HPSE2: variants seen among roughly 807,000 people sequenced by gnomAD.
The protein encoded by HPSE2 is inactive heparanase-2.
A neutral mutation model predicts 60.5 loss-of-function variants in HPSE2; 38 were observed. That is an observed-to-expected ratio of 0.63 (90% CI 0.48 to 0.82). The LOEUF (loss-of-function observed/expected upper bound fraction) is 0.82. Ranked by LOEUF, HPSE2 falls within the 40% of genes least tolerant of loss-of-function variation. The pLI, the probability that HPSE2 is intolerant of heterozygous loss-of-function variation, is 0.00. For missense variants in HPSE2, 713 were observed against 740.4 expected (o/e 0.96, Z 0.43); for synonymous variants, 295 against 293.2 (o/e 1.01, Z -0.06).
intron 9 of HPSE2, among the ~76,000 whole-genome samples, chr10:98,556,406 C>T (rs1944008818): frequency 1.3e-5 from 2 of 152,172 alleles, no homozygotes; most frequent in Admixed American, 6.5e-5. Context: ...TCTGCTGACA[C>T]TATTATTGTG....
chr10:98,905,451 T>C (rs1590051319), intron 3 of HPSE2, among the ~76,000 whole-genome samples: 1 of 151,636 alleles, frequency 6.6e-6, no homozygotes, highest in East Asian at 1.9e-4. Context: ...CAGATGAGAG[T>C]TGGGGTGAGA....
chr10:98,612,459 T>G (rs1166923589), intron 9 of HPSE2, among the ~76,000 whole-genome samples: 1 of 152,208 alleles, frequency 6.6e-6, no homozygotes, highest in East Asian at 1.9e-4. Flanking sequence ...AATTCTCTGA[T>G]TTATGTTTAT....
intron 9 of HPSE2, among the ~76,000 whole-genome samples, chr10:98,543,022 A>G (rs558550958): frequency 1.3e-5 from 2 of 152,200 alleles, no homozygotes; most frequent in East Asian, 3.9e-4. Context: ...AAGACACATC[A>G]TTGTCAGATT....
At chr10:98,973,572 A>G (rs1442267000) in intron 3 of HPSE2, among the ~76,000 whole-genome samples, 2 of 152,200 alleles carry the variant, frequency 1.3e-5, no homozygotes, top group East Asian at 3.8e-4. Context: ...TAAAATACCC[A>G]GGCCTACAAA....
At chr10:98,819,319 T>C (rs142061643) in intron 3 of HPSE2, among the ~76,000 whole-genome samples, 8 of 152,276 alleles carry the variant, frequency 5.3e-5, no homozygotes, top group Middle Eastern at 3.4e-3. Flanking sequence ...AGTTCCTTCC[T>C]TGAAGTACTG....
chr10:98,667,258 T>C (rs1001124478), intron 6 of HPSE2, among the ~76,000 whole-genome samples: 6 of 151,972 alleles, frequency 3.9e-5, no homozygotes, highest in Non-Finnish European at 8.8e-5. Context: ...AGAACAATAA[T>C]AAACTCAGAA....
At chr10:99,096,360 T>C (rs1476258630) in intron 3 of HPSE2, among the ~76,000 whole-genome samples, 5 of 152,236 alleles carry the variant, frequency 3.3e-5, no homozygotes, top group Admixed American at 3.3e-4. Context: ...TACCATGTAC[T>C]GGGCACTTAT....
chr10:98,717,709 G>A (rs1948826136), intron 5 of HPSE2, among the ~76,000 whole-genome samples: 2 of 151,978 alleles, frequency 1.3e-5, no homozygotes, highest in South Asian at 4.2e-4. Context: ...CAGCATCAAA[G>A]ATCATTGATT....
At chr10:99,282,885 T>C in the HPSE2 span, among the ~76,000 whole-genome samples, 3 of 152,156 alleles carry the variant, frequency 2.0e-5, no homozygotes, top group African/African-American at 7.2e-5. Flanking sequence ...TATAAATGCC[T>C]ACGTTAAAAA....
intron 3 of HPSE2, among the ~76,000 whole-genome samples, chr10:98,885,722 T>A (rs1255960412): frequency 6.6e-6 from 1 of 152,256 alleles, no homozygotes; most frequent in South Asian, 2.1e-4. Flanking sequence ...TTTAAAGACA[T>A]AATGCCATTT....
At chr10:99,313,992 C>T in the HPSE2 span, among the ~76,000 whole-genome samples, 2 of 152,044 alleles carry the variant, frequency 1.3e-5, no homozygotes, top group Admixed American at 6.6e-5. Context: ...TGAATAGAAG[C>T]AAACTTTATT....
intron 3 of HPSE2, among the ~76,000 whole-genome samples, chr10:99,049,034 C>T (rs1237614191): frequency 6.6e-6 from 1 of 152,086 alleles, no homozygotes; most frequent in African/African-American, 2.4e-5. Context: ...ACATTGAGCA[C>T]ACATGGACAT....
intron 3 of HPSE2, among the ~76,000 whole-genome samples, chr10:98,940,774 C>A (rs573890950): frequency 1.4e-5 from 2 of 142,290 alleles, no homozygotes; most frequent in South Asian, 4.3e-4. Context: ...GGCAGAGACA[C>A]AACCAAAAAA....
intron 3 of HPSE2, among the ~76,000 whole-genome samples, chr10:98,828,929 T>G (rs1290748593): frequency 6.6e-6 from 1 of 152,074 alleles, no homozygotes; most frequent in Non-Finnish European, 1.5e-5. Context: ...TTATTCATAA[T>G]AGCTAAAAGG....
intron 3 of HPSE2, among the ~76,000 whole-genome samples, chr10:98,837,646 G>A (rs950725377): frequency 1.3e-5 from 2 of 151,490 alleles, no homozygotes; most frequent in African/African-American, 4.9e-5. Context: ...AGGCCGAGGC[G>A]GGCGGATCAC....
chr10:98,661,927 G>T (rs1947234325), intron 6 of HPSE2, among the ~76,000 whole-genome samples: 1 of 152,168 alleles, frequency 6.6e-6, no homozygotes, highest in Non-Finnish European at 1.5e-5. Context: ...TTGAGATGGA[G>T]TCTTGCTATG....
At chr10:98,703,505 G>A (rs763888642) in intron 5 of HPSE2, among the ~76,000 whole-genome samples, 3 of 149,920 alleles carry the variant, frequency 2.0e-5, no homozygotes, top group Middle Eastern at 3.4e-3. Flanking sequence ...GGCCAATATC[G>A]AAGCAAAAAT....
intron 3 of HPSE2, among the ~76,000 whole-genome samples, chr10:98,968,519 T>C (rs1762584380): frequency 6.6e-6 from 1 of 152,016 alleles, no homozygotes; most frequent in African/African-American, 2.4e-5. Context: ...CAAAGAAAAA[T>C]AAGTTGTTAT....
chr10:99,137,823 A>C (rs1192909688), intron 3 of HPSE2, among the ~76,000 whole-genome samples: 2 of 152,218 alleles, frequency 1.3e-5, no homozygotes, highest in African/African-American at 4.8e-5. Context: ...TTCAGGACGT[A>C]GGCATGGGCA....
Sources: allele counts gnomAD v4.1 joint callset (sites outside exome capture counted in the v4.1 genomes callset), GRCh38; gene constraint gnomAD v4.1.1; transcripts MANE v1.5; gene names NCBI Gene and HGNC (gene_info 2026-07-23, HGNC 2026-07-21).